SH3BP4: variants seen among roughly 807,000 people sequenced by gnomAD.
The protein encoded by SH3BP4 is SH3 domain-binding protein 4.
Under a neutral mutation model 65.5 loss-of-function variants are expected in SH3BP4, and 33 were observed. The observed-to-expected ratio is 0.50, with a 90% CI of 0.38 to 0.67. The LOEUF is 0.67. SH3BP4 is among the 30% of genes least tolerant of loss of function. SH3BP4 has a pLI of 0.00. For synonymous variants in SH3BP4, 552 were observed against 545.5 expected, an observed-to-expected ratio of 1.01 and a Z score of -0.17; for missense variants, 1,134 against 1,261.4, an observed-to-expected ratio of 0.90 and a Z score of 1.53.
At chr2:234,985,040 T>C (rs1693504188) in intron 1 of SH3BP4, among the ~76,000 whole-genome samples, 1 of 152,132 alleles carries the variant, frequency 6.6e-6, no homozygotes, top group Admixed American at 6.5e-5. Context: ...AGGGCAGCCC[T>C]GGGGGCTATA....
At chr2:235,021,775 T>C (rs180693696) in intron 2 of SH3BP4, among the ~76,000 whole-genome samples, 8 of 152,230 alleles carry the variant, frequency 5.3e-5, no homozygotes, top group African/African-American at 9.6e-5. Flanking sequence ...AAGGTTGATA[T>C]TGTGGTAAAT....
chr2:234,954,721 C>T (rs536035458), intron 1 of SH3BP4, among the ~76,000 whole-genome samples: 11 of 152,182 alleles, frequency 7.2e-5, no homozygotes, highest in African/African-American at 9.7e-5. Flanking sequence ...ATGTGGTTTA[C>T]GCCCTTGAAT....
rs1693204599 is a variant in SH3BP4 at position 234,977,559 on chromosome 2, G to A, written c.-206-17744G>A. The stretch of plus-strand genomic sequence containing the variant: ...AGCCCAGAGCACCCAGCTCTGGGGC[G>A]ACTGGCAGGTGTTGGACCTGTGGCC... On this transcript the variant is annotated intron_variant, in intron 1 of 5. Coordinates refer to ENST00000392011, the MANE Select transcript of SH3BP4 (RefSeq NM_014521.3). The surrounding 1 kb of genome is among the most constrained non-coding windows in gnomAD (Gnocchi z 5.1). 6.6e-6 allele frequency among the ~76,000 whole-genome samples: 1 copy of A among 152,122 alleles called. No homozygotes were observed. Among genetic ancestry groups the A allele is most frequent in the Non-Finnish European group, 1.5e-5 (1 of 68,012 alleles).
intron 1 of SH3BP4, among the ~76,000 whole-genome samples, chr2:234,980,222 G>C (rs1693331028): frequency 6.6e-6 from 1 of 152,156 alleles, no homozygotes; most frequent in African/African-American, 2.4e-5. Flanking sequence ...ACTTCAGATA[G>C]TACCAAACCC....
In SH3BP4 at chr2:235,030,826, T is replaced by C. The variant is rs545946970; in HGVS notation, c.-132-4045T>C. 3.5e-4 allele frequency among the ~76,000 whole-genome samples: 53 copies of C among 152,248 alleles called. No homozygotes were observed. The highest frequency in any genetic ancestry group is 6.5e-4 in the Admixed American group (10 of 15,302). On this transcript the variant is annotated intron_variant, in intron 2 of 5. Transcript: ENST00000392011. This position sits in a 1 kb window ranked among gnomAD's most constrained non-coding sequence, Gnocchi z 4.1. ...TTTCAGCCCTCGGTGTGACTCCACC[T>C]GCTCAGGAAGGTTTTGGGAGTGGAG...
chr2:235,011,792 A>G (rs1391983893), intron 2 of SH3BP4, among the ~76,000 whole-genome samples: 1 of 152,242 alleles, frequency 6.6e-6, no homozygotes, highest in Non-Finnish European at 1.5e-5. Flanking sequence ...GGATATGAGC[A>G]TAAGAAGTCT....
rs568213674 is a variant in SH3BP4, at chr2:235,038,746, C to T, written c.119-2142C>T. On this transcript the variant is annotated intron_variant, in intron 3 of 5. Coordinates refer to ENST00000392011, the MANE Select transcript of SH3BP4 (RefSeq NM_014521.3). ...CCCCCACATATAGGGAGGGCCCCTCCCACTTGAGGGTCTATGACCTGCTTC... is the reference window on the plus strand; with the variant it reads ...CCCCCACATATAGGGAGGGCCCCTCTCACTTGAGGGTCTATGACCTGCTTC... Among the ~76,000 whole-genome samples, 16 of 152,032 alleles carry T rather than the reference C, an allele frequency of 1.1e-4. No homozygotes were observed. In the East Asian group the frequency reaches 2.2e-3, roughly 20 times the overall value.
At position 235,042,266 on chromosome 2, in the gene SH3BP4, T is replaced by C. The variant is rs754389005; in HGVS notation, c.1497T>C (p.Cys499=). Residue 499 remains cysteine, a synonymous_variant, in exon 4 of 6, where the codon TGT becomes TGC. Coordinates refer to ENST00000392011, the MANE Select transcript of SH3BP4 (RefSeq NM_014521.3). The surrounding 1 kb of genome is among the most constrained non-coding windows in gnomAD (Gnocchi z 7.3). ...TAGTGACCATTTTTGGGCATGACTG[T>C]GCCCCAAAGACGCTCCTGGTCAGCG... ...KTVVTIFGHD[C]APKTLLVSEV... is the part of the protein sequence containing the mutation. The C allele has an allele frequency of 6.2e-7, 1 of 1,614,116 alleles. No individual in the cohort carries two copies. The highest frequency in any genetic ancestry group is 1.7e-5 in the Admixed American group (1 of 60,024).
At chr2:235,007,469 C>T (rs13412088) in intron 2 of SH3BP4, among the ~76,000 whole-genome samples, 16,935 of 152,142 alleles carry the variant, frequency 0.11, 2,369 homozygotes, top group African/African-American at 0.33. Context: ...AGGTTCCAAC[C>T]GGCATGGAGT....
chr2:234,993,715 T>C (rs1693824518), intron 1 of SH3BP4, among the ~76,000 whole-genome samples: 1 of 152,186 alleles, frequency 6.6e-6, no homozygotes, highest in Non-Finnish European at 1.5e-5. Context: ...CATGACTCTT[T>C]GGAGAACGAG....
In SH3BP4 at chr2:235,035,084, G is replaced by C. The variant is rs138995123; in HGVS notation, c.82G>C (p.Glu28Gln). The C allele has an allele frequency of 2.5e-6, 4 of 1,614,108 alleles. No homozygotes were observed. Among genetic ancestry groups the C allele is most frequent in the Non-Finnish European group, 3.4e-6 (4 of 1,179,974 alleles). ...AGAGGGGACCCTGATTGACCTGAGC[G>C]AAGGGTTTTCAGAGACGAGCTTTAA... Reference protein sequence around the residue: ...KSEGTLIDLSEGFSETSFNDI... With the variant: ...KSEGTLIDLSQGFSETSFNDI... Residue 28 changes from glutamate to glutamine, a missense_variant, in exon 3 of 6, where the codon GAA becomes CAA. By Grantham distance (29) the Glu-to-Gln change is conservative. Coordinates refer to ENST00000392011, the MANE Select transcript of SH3BP4 (RefSeq NM_014521.3). This position sits in a 1 kb window ranked among gnomAD's most constrained non-coding sequence, Gnocchi z 5.0.
At position 235,052,739 on chromosome 2, in the gene SH3BP4, G is replaced by A. The variant is rs565037219; in HGVS notation, c.2656G>A (p.Val886Met). 6.9e-6 allele frequency: 11 copies of A among 1,596,354 alleles called. No homozygotes were observed. The African/African-American group carries it at 1.5e-4, about 21-fold the overall frequency. Reference protein sequence around the residue: ...ESPHRDRNGVVDSEAMWKPAY... With the variant: ...ESPHRDRNGVMDSEAMWKPAY... ...TCCCCACCGGGACAGGAACGGGGTT[G>A]TGGACAGCGAGGTGAGCAGCGGCTG... The change falls in exon 5 of 6, where the codon GTG becomes ATG. Residue 886 changes from valine to methionine, a missense_variant. Coordinates refer to ENST00000392011, the MANE Select transcript of SH3BP4 (RefSeq NM_014521.3). This position sits in a 1 kb window ranked among gnomAD's most constrained non-coding sequence, Gnocchi z 5.0.
rs1014309650 is a variant in SH3BP4, at chr2:234,976,192, C to T, written c.-206-19111C>T. ...GGATTCCCCATCTACCCATGAAGAG[C>T]GGCTCCTGCGGGGTGGCCCGGGTTA... On this transcript the variant is annotated intron_variant, in intron 1 of 5. Coordinates refer to ENST00000392011, the MANE Select transcript of SH3BP4 (RefSeq NM_014521.3). The surrounding 1 kb of genome is among the most constrained non-coding windows in gnomAD (Gnocchi z 4.7). Among the ~76,000 whole-genome samples the T allele has an allele frequency of 2.6e-5, 4 of 152,136 alleles. No homozygotes were observed. Among genetic ancestry groups the T allele is most frequent in the African/African-American group, 7.2e-5 (3 of 41,446 alleles).
rs768830321 is a variant in SH3BP4, at chr2:234,978,666, T to C, written c.-206-16637T>C. 1 of 152,152 alleles carries C rather than the reference T, an allele frequency of 6.6e-6. No individual in the cohort carries two copies. Among genetic ancestry groups the C allele is most frequent in the Non-Finnish European group, 1.5e-5 (1 of 68,040 alleles). 9.4% of individuals were successfully genotyped at this position (152,152 alleles called of 1,614,324 possible). On this transcript the variant is annotated intron_variant, in intron 1 of 5. Transcript: ENST00000392011. The surrounding 1 kb of genome is among the most constrained non-coding windows in gnomAD (Gnocchi z 4.1). ...TGGGCGACTCCCAACTTCCAGCAAA[T>C]CCGTGGTTGTTTTCAGTTACCTTAA...
chr2:235,053,895 A>G lies in SH3BP4; in HGVS notation c.*79A>G. ...GTGCCCTGCTGTCACCGCGGAGCTG[A>G]AGAGGGAGGAAGGGGCGGCTGCTCA... On this transcript the variant is annotated 3_prime_UTR_variant, in exon 6 of 6. Coordinates refer to ENST00000392011, the MANE Select transcript of SH3BP4 (RefSeq NM_014521.3). 2 of 1,158,828 alleles carry G rather than the reference A, an allele frequency of 1.7e-6. No homozygotes were observed. Among genetic ancestry groups the G allele is most frequent in the African/African-American group, 3.0e-5 (2 of 65,848 alleles). The allele number at this position is 1,158,828 out of a possible 1,614,324, so 71.8% of individuals were successfully genotyped here.
At chr2:235,038,363 TATA>T (rs1695500600) in intron 3 of SH3BP4, among the ~76,000 whole-genome samples, 3 of 35,952 alleles carry the variant, frequency 8.3e-5, no homozygotes, top group African/African-American at 4.7e-4. Context: ...TATATATATA[TATA>T]ATATATATAC....
chr2:235,040,004 G>A (rs1272075178), intron 3 of SH3BP4, among the ~76,000 whole-genome samples: 1 of 152,212 alleles, frequency 6.6e-6, no homozygotes, highest in African/African-American at 2.4e-5. Context: ...GGAGGCTGAG[G>A]CGGGAGGATC....
At chr2:234,954,851 C>A (rs547948654) in intron 1 of SH3BP4, among the ~76,000 whole-genome samples, 53 of 152,126 alleles carry the variant, frequency 3.5e-4, no homozygotes, top group African/African-American at 1.1e-3. Context: ...CTTACAGAGC[C>A]CTTGACCCAA....
At position 234,976,708 on chromosome 2, in the gene SH3BP4, G is replaced by C. The variant is rs557849463; in HGVS notation, c.-206-18595G>C. ...TGTGGCAAGAAGGACACCTGCCTCT[G>C]GTCTTCCTCTCAGTAACACACAACC... On this transcript the variant is annotated intron_variant, in intron 1 of 5. Coordinates refer to ENST00000392011, the MANE Select transcript of SH3BP4 (RefSeq NM_014521.3). The surrounding 1 kb of genome is among the most constrained non-coding windows in gnomAD (Gnocchi z 4.7). Among the ~76,000 whole-genome samples, 1 of 151,786 alleles carries C rather than the reference G, an allele frequency of 6.6e-6. No homozygotes were observed. The highest frequency in any genetic ancestry group is 2.4e-5 in the African/African-American group (1 of 41,268).
Sources: allele counts gnomAD v4.1 joint callset (sites outside exome capture counted in the v4.1 genomes callset), GRCh38; gene constraint gnomAD v4.1.1; non-coding constraint Gnocchi (gnomAD v3.1); transcripts MANE v1.5; gene names NCBI Gene and HGNC (gene_info 2026-07-23, HGNC 2026-07-21).